Variants in PRTG observed in about 807,000 individuals in gnomAD.
PRTG encodes immunoglobulin superfamily, DCC subclass, member 5.
In PRTG, 67 loss-of-function variants were observed where a neutral mutation model predicts 122.5. That is an observed-to-expected ratio of 0.55 (90% confidence interval 0.45 to 0.67). PRTG has a LOEUF of 0.67. Ranked by LOEUF, PRTG falls within the 30% of genes least tolerant of loss-of-function variation. The pLI is 0.00. For missense variants in PRTG, 1,435 were observed against 1,415.4 expected, an observed-to-expected ratio of 1.01 and a Z score of -0.22; for synonymous variants, 554 against 501.1, an observed-to-expected ratio of 1.11 and a Z score of -1.41.
intron 18 of PRTG, among the ~76,000 whole-genome samples, chr15:55,621,643 A>AAAAACAAAACAAGAC (rs2059167017): frequency 6.6e-6 from 1 of 152,214 alleles, no homozygotes; most frequent in African/African-American, 2.4e-5. Flanking sequence ...TCTGTCTCAA[A>AAAAACAAAACAAGAC]AAAACAAAAC....
chr15:55,721,656 T>C (rs977267379), intron 2 of PRTG, among the ~76,000 whole-genome samples: 2 of 152,142 alleles, frequency 1.3e-5, no homozygotes, highest in African/African-American at 4.8e-5. Flanking sequence ...CTCACACTAC[T>C]ATAAGGACAT....
Position 55,679,381 on chromosome 15 carries a change from A to T in PRTG, c.1038T>A (p.Phe346Leu). The change falls in exon 7 of 20, where the codon TTT (phenylalanine) becomes TTA (leucine). Residue 346 changes from phenylalanine (F) to leucine (L), a missense_variant. By Grantham distance (22) the Phe-to-Leu change is conservative. Transcript: ENST00000389286. Reference sequence around the variant, plus strand: ...AGGGGATTCCTTCTGCCTGACACACAAATCGAGCAGTGCCAGCTCGAGGCC... The same window carrying T: ...AGGGGATTCCTTCTGCCTGACACACTAATCGAGCAGTGCCAGCTCGAGGCC... The part of the protein sequence containing the change: ...LTRPRAGTAR[F>L]VCQAEGIPSP... 1 of 1,613,568 alleles carries T rather than the reference A, an allele frequency of 6.2e-7. No individual in the cohort carries two copies. Among genetic ancestry groups the T allele is most frequent in the South Asian group, 1.1e-5 (1 of 91,050 alleles).
chr15:55,719,379 A>T (rs889273074), intron 2 of PRTG, among the ~76,000 whole-genome samples: 11 of 152,228 alleles, frequency 7.2e-5, no homozygotes, highest in African/African-American at 2.7e-4. Flanking sequence ...GAAAGGTTAG[A>T]ATTCTAGAAG....
In PRTG at chr15:55,619,164, G is replaced by C. The variant is rs1310256930; in HGVS notation, c.*848C>G. 2.0e-5 allele frequency: 3 copies of C among 152,192 alleles called. No individual in the cohort carries two copies. Among genetic ancestry groups the C allele is most frequent in the Admixed American group, 1.3e-4 (2 of 15,272 alleles). The allele number at this position is 152,192 out of a possible 1,614,324, so 9.4% of individuals were successfully genotyped here. On this transcript the variant is annotated 3_prime_UTR_variant, in exon 20 of 20. Coordinates refer to ENST00000389286, the MANE Select transcript of PRTG (RefSeq NM_173814.6). ...GAAAAGGCACAGTTCTGGGCAGCTTGAGGTTTGGGATATAGGAGATAAAGC... is the reference window on the plus strand; with the variant it reads ...GAAAAGGCACAGTTCTGGGCAGCTTCAGGTTTGGGATATAGGAGATAAAGC...
At chr15:55,722,636 A>G (rs947561607) in intron 2 of PRTG, among the ~76,000 whole-genome samples, 2 of 152,252 alleles carry the variant, frequency 1.3e-5, no homozygotes, top group African/African-American at 4.8e-5. Flanking sequence ...TGTAGTTTCC[A>G]GAGTAGGAAG....
At chr15:55,714,123 G>T (rs1243873998) in intron 2 of PRTG, among the ~76,000 whole-genome samples, 1 of 151,920 alleles carries the variant, frequency 6.6e-6, no homozygotes, top group Admixed American at 6.6e-5. Flanking sequence ...TATGTATTGG[G>T]AACAGATTAT....
intron 13 of PRTG, among the ~76,000 whole-genome samples, 155 bp downstream of exon 13, chr15:55,639,487 T>A (rs1356579799): frequency 1.3e-5 from 2 of 152,212 alleles, no homozygotes; most frequent in Admixed American, 6.5e-5. Context: ...ATGGTAAGGA[T>A]GCAAAACTCC....
intron 11 of PRTG, among the ~76,000 whole-genome samples, 176 bp from the exon 12 acceptor site, chr15:55,641,384 G>T (rs535328358): frequency 6.6e-6 from 1 of 152,168 alleles, no homozygotes; most frequent in African/African-American, 2.4e-5. Flanking sequence ...CACTGCTATT[G>T]TGACTATCTA....
intron 15 of PRTG, among the ~76,000 whole-genome samples, chr15:55,632,484 T>C (rs964421030): frequency 6.6e-6 from 1 of 152,172 alleles, no homozygotes; most frequent in African/African-American, 2.4e-5. Flanking sequence ...CTCCAATACC[T>C]TCCTCTCTCT....
At chr15:55,733,679 T>C (rs2031314258) in intron 2 of PRTG, among the ~76,000 whole-genome samples, 1 of 151,912 alleles carries the variant, frequency 6.6e-6, no homozygotes, top group East Asian at 1.9e-4. Flanking sequence ...ATTTAAAAAT[T>C]AGCTGTGCAT....
At chr15:55,672,333 A>T (rs972339279) in intron 11 of PRTG, 112 bp downstream of exon 11, 3 of 856,882 alleles carry the variant, frequency 3.5e-6, no homozygotes, top group African/African-American at 1.7e-5. Flanking sequence ...AGTAAAATCA[A>T]TTCTTTTCTT....
chr15:55,741,427 C>G (rs1457985477), intron 1 of PRTG, among the ~76,000 whole-genome samples: 1 of 152,212 alleles, frequency 6.6e-6, no homozygotes, highest in African/African-American at 2.4e-5. Flanking sequence ...TTGGTCCTTA[C>G]TGTCTAATAG....
chr15:55,673,365 A>G lies in PRTG; in HGVS notation c.1852+6T>C, dbSNP rs1449606434. On this transcript the variant is annotated splice_donor_region_variant and intron_variant, in intron 10 of 19. Coordinates refer to ENST00000389286, the MANE Select transcript of PRTG (RefSeq NM_173814.6). ...TGTATTTTCTTAACAGTCTTCAGAA[A>G]TTCACCTTTCACGCTTGTAGCTTTG... The G allele has an allele frequency of 6.3e-7, 1 of 1,598,666 alleles. No homozygotes were observed. The highest frequency in any genetic ancestry group is 2.2e-5 in the East Asian group (1 of 44,590).
intron 2 of PRTG, among the ~76,000 whole-genome samples, chr15:55,728,419 G>T (rs182638620): frequency 6.4e-4 from 98 of 152,192 alleles, no homozygotes; most frequent in African/African-American, 2.2e-3. Flanking sequence ...GACCAAGTAG[G>T]ATTTATCTCA....
rs1392931260 is a variant in PRTG, at chr15:55,613,983, T to C, written c.*6029A>G. On this transcript the variant is annotated 3_prime_UTR_variant, in exon 20 of 20. Transcript: ENST00000389286. ...GAGATGAACCATGTGCTTGGCACAC[T>C]GTAGATGCTCAACAAATGGCATCAT... The C allele has an allele frequency of 1.3e-5, 2 of 152,094 alleles. No individual in the cohort carries two copies. The highest frequency in any genetic ancestry group is 4.8e-5 in the African/African-American group (2 of 41,434). 9.4% of individuals were successfully genotyped at this position (152,094 alleles called of 1,614,324 possible).
intron 2 of PRTG, among the ~76,000 whole-genome samples, chr15:55,698,422 C>T (rs997331185): frequency 6.6e-6 from 1 of 152,102 alleles, no homozygotes; most frequent in Non-Finnish European, 1.5e-5. Context: ...TTCCCAGTAG[C>T]TGGGACTACA....
At chr15:55,639,989 C>G (rs11638787) in intron 12 of PRTG, 161 bp from the exon 13 acceptor site, 195,664 of 978,424 alleles carry the variant, frequency 0.2, 21,642 homozygotes, top group East Asian at 0.56. Flanking sequence ...CAAACCTAAA[C>G]AGCTCTTCCG....
chr15:55,723,191 G>A (rs993371476), intron 2 of PRTG, among the ~76,000 whole-genome samples: 44 of 152,168 alleles, frequency 2.9e-4, no homozygotes, highest in Admixed American at 1.5e-3. Flanking sequence ...CACCACAGAC[G>A]AGGTTATAAT....
rs182906650 is a variant in PRTG, at chr15:55,692,038, A to G, written c.398-8107T>C. Among the ~76,000 whole-genome samples the G allele has an allele frequency of 3.1e-4, 47 of 152,300 alleles. No homozygotes were observed. The South Asian group carries it at 9.5e-3, about 31-fold the overall frequency. ...GGCAACAGAATGAGACCTTGCCTCA[A>G]AAAAATAAAAATAAAAATAAGAAAA... On this transcript the variant is annotated intron_variant, in intron 2 of 19. Coordinates refer to ENST00000389286, the MANE Select transcript of PRTG (RefSeq NM_173814.6).
Sources: allele counts gnomAD v4.1 joint callset (sites outside exome capture counted in the v4.1 genomes callset), GRCh38; gene constraint gnomAD v4.1.1; transcripts MANE v1.5; gene names NCBI Gene and HGNC (gene_info 2026-07-23, HGNC 2026-07-21).